CEP112: variants seen among roughly 807,000 people sequenced by gnomAD.
The protein encoded by CEP112 is centrosomal protein 112.
In CEP112, 127 loss-of-function variants were observed where a neutral mutation model predicts 153.0. The observed-to-expected ratio is 0.83, with a 90% CI of 0.72 to 0.96. The LOEUF (loss-of-function observed/expected upper bound fraction) is 0.96, where lower values mean the gene tolerates loss of function less well. Among genes scored for constraint, CEP112 ranks in the 40% least tolerant of loss-of-function variants. The pLI is 0.00. For missense variants in CEP112, 1,089 were observed against 1,101.2 expected, an observed-to-expected ratio of 0.99 and a Z score of 0.16; for synonymous variants, 358 against 374.4, an observed-to-expected ratio of 0.96 and a Z score of 0.51.
chr17:65,686,463 T>C (rs1399650347), intron 24 of CEP112, among the ~76,000 whole-genome samples: 1 of 152,240 alleles, frequency 6.6e-6, no homozygotes, highest in Non-Finnish European at 1.5e-5. Context: ...ATGAATTAAA[T>C]TGATGTCAAC....
intron 17 of CEP112, among the ~76,000 whole-genome samples, chr17:65,964,161 A>G (rs2062325302): frequency 6.6e-6 from 1 of 152,238 alleles, no homozygotes; most frequent in Non-Finnish European, 1.5e-5. Flanking sequence ...GGACCTGGGT[A>G]TCTTGTTGTT....
At chr17:65,663,016 G>A (rs1197338421) in intron 24 of CEP112, among the ~76,000 whole-genome samples, 2 of 152,116 alleles carry the variant, frequency 1.3e-5, no homozygotes, top group Non-Finnish European at 2.9e-5. Context: ...TCTTGAACAC[G>A]TATTTAAAAC....
intron 16 of CEP112, among the ~76,000 whole-genome samples, chr17:66,025,193 AC>A (rs2145664374): frequency 6.6e-6 from 1 of 152,288 alleles, no homozygotes; most frequent in East Asian, 1.9e-4. Context: ...CTGGAAGAAA[AC>A]CTAGGGAAAA....
chr17:66,057,763 AC>A (rs1403182051), intron 11 of CEP112, among the ~76,000 whole-genome samples: 6 of 41,922 alleles, frequency 1.4e-4, no homozygotes, highest in African/African-American at 5.9e-4. Context: ...TACTCTACAC[AC>A]ACACACACAC....
At chr17:65,970,433 CACATCAT>C (rs1222589021) in intron 17 of CEP112, among the ~76,000 whole-genome samples, 4 of 97,320 alleles carry the variant, frequency 4.1e-5, no homozygotes, top group Non-Finnish European at 6.0e-5. Context: ...CATGCATGCA[CACATCAT>C]GCATGTATAT....
intron 21 of CEP112, among the ~76,000 whole-genome samples, chr17:65,837,053 C>T (rs1193168016): frequency 6.6e-6 from 1 of 152,230 alleles, no homozygotes; most frequent in Non-Finnish European, 1.5e-5. Context: ...GATCTGCCAG[C>T]CTCGGCCTCC....
In CEP112 at chr17:65,937,054, G is replaced by A. The variant is rs1472332314; in HGVS notation, c.1873-9365C>T. On this transcript the variant is annotated intron_variant, in intron 18 of 26. Coordinates refer to ENST00000535342, the MANE Select transcript of CEP112 (RefSeq NM_001199165.4). ...GCTGGTCTCCAGCTCCTCACCGCGA[G>A]TGATCCGCCAGCCTCGGCCTCCCGA... 4.7e-5 allele frequency among the ~76,000 whole-genome samples: 7 copies of A among 149,498 alleles called. No homozygotes were observed. The East Asian group carries it at 1.5e-3, about 31-fold the overall frequency.
chr17:65,840,381 G>T (rs896542265), intron 21 of CEP112, among the ~76,000 whole-genome samples: 1 of 151,966 alleles, frequency 6.6e-6, no homozygotes, highest in East Asian at 1.9e-4. Context: ...TTTGACAAAG[G>T]TGCCAAGAAC....
At chr17:65,970,183 ACATGCATATATGCTGCATGCATGTCATG>A (rs1367374177) in intron 17 of CEP112, among the ~76,000 whole-genome samples, 2 of 149,612 alleles carry the variant, frequency 1.3e-5, no homozygotes, top group African/African-American at 2.4e-5. Context: ...CATTTGTATT[ACATGCATATATGCTGCATGCATGTCATG>A]CATGCATATA....
chr17:65,847,820 T>C (rs1379571864), intron 21 of CEP112, among the ~76,000 whole-genome samples: 1 of 152,156 alleles, frequency 6.6e-6, no homozygotes, highest in Non-Finnish European at 1.5e-5. Context: ...CGGGGAAGGA[T>C]GCTCTGAGGA....
intron 22 of CEP112, among the ~76,000 whole-genome samples, chr17:65,749,172 CA>C (rs373251736): frequency 6.6e-6 from 1 of 152,046 alleles, no homozygotes; most frequent in Non-Finnish European, 1.5e-5. Context: ...TTCATTTGGA[CA>C]AAGACTTTTT....
chr17:66,062,619 T>A (rs1301241776), intron 11 of CEP112, among the ~76,000 whole-genome samples: 2 of 152,116 alleles, frequency 1.3e-5, no homozygotes, highest in Non-Finnish European at 2.9e-5. Flanking sequence ...AATACTCCAA[T>A]GGCCCAAATA....
chr17:66,116,258 CAATT>C (rs2069287500), intron 6 of CEP112, among the ~76,000 whole-genome samples: 1 of 151,644 alleles, frequency 6.6e-6, no homozygotes, highest in South Asian at 2.1e-4. Flanking sequence ...CTCTTTTCAA[CAATT>C]AACATTTTTT....
intron 12 of CEP112, among the ~76,000 whole-genome samples, chr17:66,050,708 ACTTATCAGCCCT>A (rs937499217): frequency 2.8e-4 from 43 of 152,258 alleles, no homozygotes; most frequent in African/African-American, 1.0e-3. Flanking sequence ...TTGAAGGGCC[ACTTATCAGCCCT>A]CTTCCAGAGA....
intron 21 of CEP112, among the ~76,000 whole-genome samples, chr17:65,796,722 T>C (rs1395930185): frequency 6.6e-6 from 1 of 151,740 alleles, no homozygotes; most frequent in Non-Finnish European, 1.5e-5. Context: ...ATTGGTGCCT[T>C]GGTCATTCAT....
At chr17:65,763,031 G>A (rs1567976708) in intron 21 of CEP112, among the ~76,000 whole-genome samples, 1 of 151,888 alleles carries the variant, frequency 6.6e-6, no homozygotes, top group Admixed American at 6.6e-5. Context: ...GTTTGTCTGA[G>A]AAAGTATTTC....
intron 17 of CEP112, among the ~76,000 whole-genome samples, chr17:65,971,055 T>G (rs997329501): frequency 6.6e-6 from 1 of 152,250 alleles, no homozygotes; most frequent in African/African-American, 2.4e-5. Context: ...ATTACATGTC[T>G]ATTACATACA....
chr17:66,058,922 G>T (rs2066814583), intron 11 of CEP112, among the ~76,000 whole-genome samples: 1 of 152,040 alleles, frequency 6.6e-6, no homozygotes, highest in African/African-American at 2.4e-5. Flanking sequence ...ATGTTATAAG[G>T]CTACAATAAC....
At chr17:65,702,235 ACT>A (rs1461798834) in intron 23 of CEP112, among the ~76,000 whole-genome samples, 2 of 151,764 alleles carry the variant, frequency 1.3e-5, no homozygotes, top group African/African-American at 4.8e-5. Context: ...AGGATTCCAG[ACT>A]CTTTCCCAGT....
Sources: gnomAD v4.1 joint callset for allele counts (sites outside exome capture counted in the v4.1 genomes callset) on GRCh38, gnomAD v4.1.1 for gene constraint, MANE v1.5 for transcripts, NCBI Gene and HGNC (gene_info 2026-07-23, HGNC 2026-07-21) for gene names.